UNC5D: variants seen among roughly 807,000 people sequenced by gnomAD.
The protein encoded by UNC5D is netrin receptor UNC5D.
Under a neutral mutation model 105.4 loss-of-function variants are expected in UNC5D, and 39 were observed. The observed-to-expected ratio is 0.37, with a 90% CI of 0.29 to 0.48. The LOEUF (loss-of-function observed/expected upper bound fraction) is 0.48, where lower values mean the gene tolerates loss of function less well. Among genes scored for constraint, UNC5D ranks in the 20% least tolerant of loss-of-function variants. The probability of loss-of-function intolerance (pLI) is 0.98; values close to 1 mark genes in which losing one functional copy is unlikely to be tolerated. For synonymous variants in UNC5D, 452 were observed against 450.4 expected (o/e 1.00, Z -0.04); for missense variants, 991 against 1,202.4 (o/e 0.82, Z 2.60).
intron 3 of UNC5D, among the ~76,000 whole-genome samples, chr8:35,581,860 C>T (rs1818486857): frequency 6.6e-6 from 1 of 152,154 alleles, no homozygotes; most frequent in South Asian, 2.1e-4. Flanking sequence ...CCTGACAAGA[C>T]CCAGGGGTAT....
At chr8:35,350,759 C>T (rs182894669) in intron 1 of UNC5D, among the ~76,000 whole-genome samples, 20 of 151,882 alleles carry the variant, frequency 1.3e-4, no homozygotes, top group Admixed American at 2.6e-4. Context: ...GAATGGGAAA[C>T]GTTATGTTTA....
chr8:35,758,880 G>T (rs895432092), intron 13 of UNC5D, among the ~76,000 whole-genome samples: 4 of 152,166 alleles, frequency 2.6e-5, no homozygotes, highest in Admixed American at 6.5e-5. Flanking sequence ...GCCTGCATTA[G>T]TGAAGAAAAA....
Position 35,595,870 on chromosome 8 carries a change from C to T in UNC5D, c.570+213C>T, listed in dbSNP as rs79025555. Among the ~76,000 whole-genome samples the T allele has an allele frequency of 6.7e-3, 1,015 of 152,254 alleles. 14 individuals are homozygous for T. Among genetic ancestry groups the T allele is most frequent in the African/African-American group, 0.022 (931 of 41,528 alleles). Reference sequence around the variant, plus strand: ...ATCTACTTCTGTGTTTGCACAAGGCCCTTGGTAGGCAGCCTGGGTAGGATT... The same window carrying T: ...ATCTACTTCTGTGTTTGCACAAGGCTCTTGGTAGGCAGCCTGGGTAGGATT... On this transcript the variant is annotated intron_variant, in intron 4 of 16. Coordinates refer to ENST00000404895, the MANE Select transcript of UNC5D (RefSeq NM_080872.4).
chr8:35,657,080 G>GTGTATA (rs1281641556), intron 4 of UNC5D, among the ~76,000 whole-genome samples: 40 of 46,504 alleles, frequency 8.6e-4, no homozygotes, highest in Non-Finnish European at 1.1e-3. Flanking sequence ...GTGTGTGTGT[G>GTGTATA]TATATATATA....
intron 1 of UNC5D, among the ~76,000 whole-genome samples, chr8:35,482,189 C>T (rs1810524712): frequency 1.3e-5 from 2 of 152,152 alleles, no homozygotes; most frequent in African/African-American, 4.8e-5. Context: ...CATCATATTT[C>T]CTGTTATTAA....
intron 16 of UNC5D, among the ~76,000 whole-genome samples, chr8:35,779,698 C>T (rs772796900): frequency 6.6e-6 from 1 of 152,008 alleles, no homozygotes; most frequent in Non-Finnish European, 1.5e-5. Flanking sequence ...TCAAGTAATC[C>T]GCCTGCCTCG....
intron 1 of UNC5D, among the ~76,000 whole-genome samples, chr8:35,380,537 A>G (rs1802982805): frequency 6.6e-6 from 1 of 152,152 alleles, no homozygotes; most frequent in African/African-American, 2.4e-5. Context: ...AAATGCTGAA[A>G]TCTTTTTCCA....
intron 4 of UNC5D, among the ~76,000 whole-genome samples, chr8:35,648,673 C>T (rs534323393): frequency 1.5e-4 from 18 of 120,110 alleles, no homozygotes; most frequent in African/African-American, 5.9e-4. Flanking sequence ...AGTGAGAGTC[C>T]GTCTCAAAAA....
At chr8:35,402,972 C>T (rs1416893628) in intron 1 of UNC5D, among the ~76,000 whole-genome samples, 2 of 152,114 alleles carry the variant, frequency 1.3e-5, no homozygotes, top group Non-Finnish European at 2.9e-5. Flanking sequence ...CCTCATAGAC[C>T]TGTTCTTTCT....
chr8:35,708,825 C>G (rs1827764653), intron 8 of UNC5D, among the ~76,000 whole-genome samples: 1 of 152,138 alleles, frequency 6.6e-6, no homozygotes, highest in Non-Finnish European at 1.5e-5. Context: ...CCAGCTACCT[C>G]CAGGATATCT....
At chr8:35,590,863 T>C (rs1586198206) in intron 3 of UNC5D, among the ~76,000 whole-genome samples, 1 of 152,168 alleles carries the variant, frequency 6.6e-6, no homozygotes, top group African/African-American at 2.4e-5. Flanking sequence ...CACTCCTGCC[T>C]GGTGGGGTCC....
At chr8:35,326,265 T>C (rs1396926182) in intron 1 of UNC5D, among the ~76,000 whole-genome samples, 1 of 152,158 alleles carries the variant, frequency 6.6e-6, no homozygotes, top group Non-Finnish European at 1.5e-5. Context: ...ATCCTGTGAA[T>C]AAGACTGTAG....
At chr8:35,705,170 T>C (rs534316505) in intron 7 of UNC5D, among the ~76,000 whole-genome samples, 2 of 152,218 alleles carry the variant, frequency 1.3e-5, no homozygotes, top group African/African-American at 4.8e-5. Flanking sequence ...TTCACCGTGT[T>C]AGCCAGGATG....
intron 12 of UNC5D, among the ~76,000 whole-genome samples, chr8:35,749,875 T>C (rs1398935722): frequency 6.6e-6 from 1 of 152,016 alleles, no homozygotes; most frequent in Non-Finnish European, 1.5e-5. Context: ...CTTATCCAAT[T>C]CATTTATTTA....
At chr8:35,493,602 CA>C (rs146088093) in intron 1 of UNC5D, among the ~76,000 whole-genome samples, 3,417 of 151,888 alleles carry the variant, frequency 0.022, 131 homozygotes, top group African/African-American at 0.078. Context: ...AAAAAGCAAG[CA>C]AAAAAATCCA....
intron 8 of UNC5D, among the ~76,000 whole-genome samples, chr8:35,711,392 C>A (rs1028596631): frequency 1.6e-4 from 25 of 152,000 alleles, no homozygotes; most frequent in Non-Finnish European, 3.1e-4. Flanking sequence ...GTTGCCCAGG[C>A]CCGTCTTGAA....
At chr8:35,676,018 G>C (rs922674512) in intron 4 of UNC5D, among the ~76,000 whole-genome samples, 1 of 151,874 alleles carries the variant, frequency 6.6e-6, no homozygotes, top group African/African-American at 2.4e-5. Context: ...CTCCCACAAT[G>C]CATCATTCTA....
At chr8:35,421,781 C>A (rs1161015080) in intron 1 of UNC5D, among the ~76,000 whole-genome samples, 1 of 152,146 alleles carries the variant, frequency 6.6e-6, no homozygotes, top group Non-Finnish European at 1.5e-5. Context: ...TCCCACCCTT[C>A]AGGTTTAGAT....
At chr8:35,463,618 C>CAAA (rs1189276180) in intron 1 of UNC5D, among the ~76,000 whole-genome samples, 3 of 109,812 alleles carry the variant, frequency 2.7e-5, no homozygotes, top group Non-Finnish European at 3.9e-5. Context: ...CTATCTCTAT[C>CAAA]AAAAAAAAAA....
Sources: gnomAD v4.1 joint callset for allele counts (sites outside exome capture counted in the v4.1 genomes callset) on GRCh38, gnomAD v4.1.1 for gene constraint, MANE v1.5 for transcripts, NCBI Gene and HGNC (gene_info 2026-07-23, HGNC 2026-07-21) for gene names.